LARP4B: variants seen among roughly 807,000 people sequenced by gnomAD.
LARP4B encodes the protein La ribonucleoprotein 4B.
A neutral mutation model predicts 89.8 loss-of-function variants in LARP4B; 12 were observed. The observed-to-expected ratio is 0.13, with a 90% CI of 0.09 to 0.22. The LOEUF is 0.22. Among genes scored for constraint, LARP4B ranks in the 10% least tolerant of loss-of-function variants. The pLI is 1.00. For synonymous variants in LARP4B, 367 were observed against 363.3 expected (o/e 1.01, Z -0.12); for missense variants, 757 against 947.7 (o/e 0.80, Z 2.64).
intron 1 of LARP4B, among the ~76,000 whole-genome samples, chr10:907,162 G>A (rs1006759037): frequency 3.9e-5 from 6 of 152,110 alleles, no homozygotes; most frequent in African/African-American, 9.7e-5. Flanking sequence ...TTTATCACTC[G>A]GAGGTCAGAA....
At chr10:838,625 G>A (rs1279122261) in intron 7 of LARP4B, among the ~76,000 whole-genome samples, 1 of 152,188 alleles carries the variant, frequency 6.6e-6, no homozygotes, top group African/African-American at 2.4e-5. Flanking sequence ...ATGCTGCCGA[G>A]GATGTGGAGC....
In LARP4B at chr10:822,402, G is replaced by C. The variant is rs765050970; in HGVS notation, c.1485-1557C>G. ...GCAGCCTGCTCGTCACTACCGGCTG[G>C]GACGCAGGGGCACCCATCCCTTGGA... On this transcript the variant is annotated intron_variant, in intron 13 of 17. Coordinates refer to ENST00000316157, the MANE Select transcript of LARP4B (RefSeq NM_015155.3). The surrounding 1 kb of genome is among the most constrained non-coding windows in gnomAD (Gnocchi z 4.6). Among the ~76,000 whole-genome samples, 3 of 152,330 alleles carry C rather than the reference G, an allele frequency of 2.0e-5. No homozygotes were observed. Among genetic ancestry groups the C allele is most frequent in the Non-Finnish European group, 4.4e-5 (3 of 68,020 alleles).
Position 847,143 on chromosome 10 carries a change from C to T in LARP4B, c.431-2088G>A, listed in dbSNP as rs143195986. ...AGGGAATGGAAGCAAGGAGATGGGA[C>T]AGCAAGCAGACAGCTGAAGTGTTCT... On this transcript the variant is annotated intron_variant, in intron 5 of 17. Transcript: ENST00000316157. Among the ~76,000 whole-genome samples, 838 of 152,258 alleles carry T rather than the reference C, an allele frequency of 5.5e-3. 9 individuals are homozygous for T. The highest frequency in any genetic ancestry group is 0.019 in the African/African-American group (788 of 41,556).
the LARP4B span, among the ~76,000 whole-genome samples, chr10:982,840 C>T: frequency 6.6e-6 from 1 of 152,134 alleles, no homozygotes; most frequent in Non-Finnish European, 1.5e-5. Flanking sequence ...GACTATAAGG[C>T]GAAAGGAAAC....
chr10:886,314 A>C (rs1183506186), intron 1 of LARP4B, among the ~76,000 whole-genome samples: 1 of 152,218 alleles, frequency 6.6e-6, no homozygotes, highest in Non-Finnish European at 1.5e-5. Context: ...GTCAGACAAG[A>C]GATAACAGGG....
At chr10:872,347 C>T (rs1256009567) in intron 3 of LARP4B, among the ~76,000 whole-genome samples, 1 of 152,192 alleles carries the variant, frequency 6.6e-6, no homozygotes, top group Admixed American at 6.5e-5. Context: ...CTGGCTCGCC[C>T]GCCCCTGACA....
intron 14 of LARP4B, chr10:819,923 T>G (rs991324593): frequency 3.3e-5 from 5 of 152,262 alleles, no homozygotes; most frequent in African/African-American, 1.2e-4. Context: ...GAATTCCACA[T>G]CTGCAAGCCC....
At chr10:962,778 C>T in the LARP4B span, among the ~76,000 whole-genome samples, 1 of 152,260 alleles carries the variant, frequency 6.6e-6, no homozygotes, top group Admixed American at 6.5e-5. Flanking sequence ...AAGCTTTGAA[C>T]TCCCACTGGC....
intron 5 of LARP4B, among the ~76,000 whole-genome samples, chr10:855,959 C>T (rs916433256): frequency 6.6e-5 from 10 of 152,224 alleles, no homozygotes; most frequent in Admixed American, 5.2e-4. Context: ...GCAAAGGCAA[C>T]GCAGCAGAGA....
At chr10:972,999 G>C in the LARP4B span, 6 of 396,288 alleles carry the variant, frequency 1.5e-5, no homozygotes, top group Non-Finnish European at 3.0e-5. Context: ...TGATTCTGTG[G>C]GTGGGACAAA....
At chr10:872,935 G>T (rs1835297266) in intron 3 of LARP4B, 1 of 760,366 alleles carries the variant, frequency 1.3e-6, no homozygotes, top group Non-Finnish European at 1.6e-6. Context: ...CAGACCCTGC[G>T]AAAATCCTTG....
chr10:944,666 C>A, the LARP4B span, among the ~76,000 whole-genome samples: 15 of 152,256 alleles, frequency 9.9e-5, no homozygotes. Context: ...CGTGTCTGGG[C>A]GTTGCCCCCG....
At chr10:898,396 C>G (rs1836248079) in intron 1 of LARP4B, among the ~76,000 whole-genome samples, 1 of 152,112 alleles carries the variant, frequency 6.6e-6, no homozygotes, top group African/African-American at 2.4e-5. Context: ...GGATATATCC[C>G]AGATAACTGA....
the LARP4B span, among the ~76,000 whole-genome samples, chr10:941,909 G>A: frequency 6.6e-6 from 1 of 151,990 alleles, no homozygotes; most frequent in Non-Finnish European, 1.5e-5. Flanking sequence ...CTAAGTACCT[G>A]GGATTATAGG....
chr10:872,582 C>T (rs1011484853), intron 3 of LARP4B, among the ~76,000 whole-genome samples: 2 of 152,238 alleles, frequency 1.3e-5, no homozygotes, highest in African/African-American at 2.4e-5. Context: ...ACTCTCATCA[C>T]CACTGCTGAG....
rs996659156 is a variant in LARP4B, at chr10:809,804, C to A, written c.*3122G>T. 2.6e-5 allele frequency: 4 copies of A among 152,730 alleles called. No individual in the cohort carries two copies. The highest frequency in any genetic ancestry group is 9.6e-5 in the African/African-American group (4 of 41,482). The allele number at this position is 152,730 out of a possible 1,614,324, so 9.5% of individuals were successfully genotyped here. On this transcript the variant is annotated 3_prime_UTR_variant, in exon 18 of 18. Transcript: ENST00000316157. Reference sequence around the variant, plus strand: ...CCGCGAGGCACGCAAGCCGCAACTACAGCTCGCCAGCGGGGCACACAGACA... The same window carrying A: ...CCGCGAGGCACGCAAGCCGCAACTAAAGCTCGCCAGCGGGGCACACAGACA...
the LARP4B span, among the ~76,000 whole-genome samples, chr10:966,489 C>T: frequency 6.6e-6 from 1 of 152,212 alleles, no homozygotes; most frequent in East Asian, 1.9e-4. Context: ...GTGGCACAAG[C>T]CTTTGAGGAC....
chr10:884,412 T>TA (rs768497811), intron 3 of LARP4B, 35 bp downstream of exon 3: 6 of 1,399,364 alleles, frequency 4.3e-6, no homozygotes, highest in South Asian at 1.2e-5. Flanking sequence ...TGACTGTGAT[T>TA]AAAAAATCTG....
rs116029757 is a variant in LARP4B at position 833,010 on chromosome 10, C to G, written c.751-2033G>C. ...TGTGTAGAATTAGAATGTGTGACAA[C>G]AGCACAGGCTAGAAGTGGAGAATGG... On this transcript the variant is annotated intron_variant, in intron 8 of 17. Transcript: ENST00000316157. 7.9e-3 allele frequency among the ~76,000 whole-genome samples: 1,201 copies of G among 152,116 alleles called. 21 individuals carry two copies. The highest frequency in any genetic ancestry group is 0.028 in the African/African-American group (1,150 of 41,492).
Sources: allele counts gnomAD v4.1 joint callset (sites outside exome capture counted in the v4.1 genomes callset), GRCh38; gene constraint gnomAD v4.1.1; non-coding constraint Gnocchi (gnomAD v3.1); transcripts MANE v1.5; gene names NCBI Gene and HGNC (gene_info 2026-07-23, HGNC 2026-07-21).